ITPK1: variants seen among roughly 807,000 people sequenced by gnomAD.
ITPK1 encodes the protein inositol 1,3,4-trisphosphate 5/6-kinase.
In ITPK1, 21 loss-of-function variants were observed where a neutral mutation model predicts 45.3. The ratio of observed to expected loss-of-function variants is 0.46; its 90% CI spans 0.33 to 0.67. The LOEUF is 0.67. Among genes scored for constraint, ITPK1 ranks in the 30% least tolerant of loss-of-function variants. The probability of loss-of-function intolerance (pLI) is 0.02; values close to 1 mark genes in which losing one functional copy is unlikely to be tolerated. For missense variants in ITPK1, 474 were observed against 573.5 expected (o/e 0.83, Z 1.77); for synonymous variants, 258 against 253.6 (o/e 1.02, Z -0.16).
At chr14:93,007,805 C>T (rs995933343) in intron 4 of ITPK1, among the ~76,000 whole-genome samples, 9 of 152,222 alleles carry the variant, frequency 5.9e-5, no homozygotes, top group South Asian at 2.1e-4. Context: ...GTCGTCCTGC[C>T]GCCCCAGGAG....
At chr14:93,112,998 G>T (rs917093527) in intron 2 of ITPK1, among the ~76,000 whole-genome samples, 1 of 152,194 alleles carries the variant, frequency 6.6e-6, no homozygotes, top group Non-Finnish European at 1.5e-5. Flanking sequence ...CCACCAGGGG[G>T]CACTGCCCTG....
intron 3 of ITPK1, among the ~76,000 whole-genome samples, chr14:93,058,136 AGCCCCTGTTAGGGCCCTGG>A: frequency 6.6e-6 from 1 of 152,128 alleles, no homozygotes; most frequent in South Asian, 2.1e-4. Context: ...TGAAGGGCTG[AGCCCCTGTTAGGGCCCTGG>A]GCCTGCAAGC....
chr14:93,043,562 C>G (rs1471799286), intron 3 of ITPK1, among the ~76,000 whole-genome samples: 1 of 152,230 alleles, frequency 6.6e-6, no homozygotes, highest in Non-Finnish European at 1.5e-5. Flanking sequence ...CCTCCCTGCC[C>G]CGCCCAGCCC....
Position 93,054,801 on chromosome 14 carries a change from T to C in ITPK1, c.120+21794A>G, listed in dbSNP as rs1934973937. On this transcript the variant is annotated intron_variant, in intron 3 of 10. Transcript: ENST00000267615. ...AAAACAGCACTCTCTCTGCCTCTCATGGCTTTTTTCCCCTTCTGTTTCTTT... is the reference window on the plus strand; with the variant it reads ...AAAACAGCACTCTCTCTGCCTCTCACGGCTTTTTTCCCCTTCTGTTTCTTT... Among the ~76,000 whole-genome samples the C allele has an allele frequency of 2.0e-5, 3 of 152,356 alleles. No individual in the cohort carries two copies. In the South Asian group the frequency reaches 6.2e-4, roughly 32 times the overall value.
At chr14:93,070,612 G>A (rs1345386329) in intron 3 of ITPK1, 2 of 152,278 alleles carry the variant, frequency 1.3e-5, no homozygotes, top group African/African-American at 4.8e-5. Flanking sequence ...GGATCTGTTG[G>A]GTAGATGGGC....
chr14:93,030,847 A>C (rs1889008982), intron 3 of ITPK1, among the ~76,000 whole-genome samples: 1 of 152,242 alleles, frequency 6.6e-6, no homozygotes, highest in East Asian at 1.9e-4. Context: ...TCCCTAGTCC[A>C]CGATGACTGG....
At chr14:93,085,775 G>A (rs545672215) in intron 2 of ITPK1, among the ~76,000 whole-genome samples, 4 of 152,290 alleles carry the variant, frequency 2.6e-5, no homozygotes, top group South Asian at 2.1e-4. Flanking sequence ...AATGGCTCTC[G>A]ACATCCCCGC....
intron 9 of ITPK1, 46 bp downstream of exon 9, chr14:92,951,900 A>C (rs1405604528): frequency 6.8e-7 from 1 of 1,467,100 alleles, no homozygotes; most frequent in Non-Finnish European, 9.4e-7. Flanking sequence ...ACCTAGGCCC[A>C]CGGGAGGGCA....
At chr14:93,008,752 A>C (rs1887744205) in intron 4 of ITPK1, among the ~76,000 whole-genome samples, 1 of 152,248 alleles carries the variant, frequency 6.6e-6, no homozygotes, top group Non-Finnish European at 1.5e-5. Context: ...GGCAGCACAG[A>C]AACACGTTGG....
At chr14:93,079,623 C>T (rs1891360985) in intron 2 of ITPK1, among the ~76,000 whole-genome samples, 4 of 152,194 alleles carry the variant, frequency 2.6e-5, no homozygotes, top group Admixed American at 2.6e-4. Flanking sequence ...GTGGTGGAAT[C>T]CCACATGCAC....
chr14:92,971,427 G>A (rs991500003), intron 5 of ITPK1, among the ~76,000 whole-genome samples: 2 of 152,198 alleles, frequency 1.3e-5, no homozygotes, highest in African/African-American at 2.4e-5. Context: ...TCACTCAGAG[G>A]TGGCCAGCAT....
intron 5 of ITPK1, among the ~76,000 whole-genome samples, chr14:92,978,932 C>T (rs780260692): frequency 4.7e-5 from 7 of 150,270 alleles, no homozygotes; most frequent in Admixed American, 6.6e-5. Context: ...TCCTCCAGAT[C>T]CCAGAATGAC....
chr14:92,987,596 G>A (rs1050631204), intron 5 of ITPK1, among the ~76,000 whole-genome samples: 1 of 152,186 alleles, frequency 6.6e-6, no homozygotes, highest in African/African-American at 2.4e-5. Flanking sequence ...ATAGATGTTT[G>A]TTGTAAGGGA....
Position 92,982,259 on chromosome 14 carries a change from T to C in ITPK1, c.364+11621A>G, listed in dbSNP as rs8016703. ...ATGATCGCCAGAACTGCATGCATGA[T>C]GGATGGGTTCTCCTCTGTGACTCGG... is the stretch of plus-strand genomic sequence containing the variant. On this transcript the variant is annotated intron_variant, in intron 5 of 10. Coordinates refer to ENST00000267615, the MANE Select transcript of ITPK1 (RefSeq NM_014216.6). 9.8e-3 allele frequency among the ~76,000 whole-genome samples: 1,486 copies of C among 152,324 alleles called. 18 individuals carry two copies. The highest frequency in any genetic ancestry group is 0.034 in the African/African-American group (1,397 of 41,572).
At chr14:93,042,401 T>C (rs904527288) in intron 3 of ITPK1, among the ~76,000 whole-genome samples, 7 of 152,308 alleles carry the variant, frequency 4.6e-5, no homozygotes, top group Middle Eastern at 6.8e-3. Flanking sequence ...TTTTGGAACA[T>C]GCCTGGCACA....
intron 3 of ITPK1, among the ~76,000 whole-genome samples, chr14:93,037,497 C>T (rs1361933798): frequency 1.3e-5 from 2 of 152,230 alleles, no homozygotes; most frequent in Admixed American, 1.3e-4. Context: ...CCCCAGGCCC[C>T]AGCCACCTAG....
At chr14:93,064,827 G>T (rs764678289) in intron 3 of ITPK1, among the ~76,000 whole-genome samples, 2 of 152,212 alleles carry the variant, frequency 1.3e-5, no homozygotes, top group Non-Finnish European at 2.9e-5. Flanking sequence ...GGGAGCCACT[G>T]TGCTTCCCAG....
intron 4 of ITPK1, among the ~76,000 whole-genome samples, chr14:93,006,768 C>T (rs1169011348): frequency 2.0e-5 from 3 of 152,198 alleles, no homozygotes; most frequent in African/African-American, 7.2e-5. Context: ...ACCCTGACTG[C>T]TACAGAGGAG....
At chr14:93,004,365 T>C (rs1566728735) in intron 4 of ITPK1, among the ~76,000 whole-genome samples, 1 of 152,234 alleles carries the variant, frequency 6.6e-6, no homozygotes, top group Non-Finnish European at 1.5e-5. Flanking sequence ...CTAACTTTTC[T>C]AAAACGGCTC....
Sources: allele counts gnomAD v4.1 joint callset (sites outside exome capture counted in the v4.1 genomes callset), GRCh38; gene constraint gnomAD v4.1.1; transcripts MANE v1.5; gene names NCBI Gene and HGNC (gene_info 2026-07-23, HGNC 2026-07-21).